Variants in PPARA observed in about 807,000 individuals in gnomAD.
The protein encoded by PPARA is peroxisome proliferator-activated receptor alpha.
A neutral mutation model predicts 42.2 loss-of-function variants in PPARA; 22 were observed. The observed-to-expected ratio is 0.52, with a 90% confidence interval of 0.37 to 0.74. PPARA has a LOEUF of 0.74. PPARA is among the 30% of genes least tolerant of loss of function. The probability of loss-of-function intolerance (pLI) is 0.00; values close to 1 mark genes in which losing one functional copy is unlikely to be tolerated. For missense variants in PPARA, 465 were observed against 608.2 expected (o/e 0.76, Z 2.48); for synonymous variants, 242 against 239.3 (o/e 1.01, Z -0.10).
At chr22:46,198,791 G>A (rs577503774) in intron 4 of PPARA, among the ~76,000 whole-genome samples, 200 bp downstream of exon 4, 1 of 151,736 alleles carries the variant, frequency 6.6e-6, no homozygotes, top group South Asian at 2.1e-4. Context: ...CTCCCGAGTA[G>A]CTGGGACTAC....
Position 46,225,694 on chromosome 22 carries a change from C to T in PPARA, c.711+5680C>T, listed in dbSNP as rs1032245845. Among the ~76,000 whole-genome samples the T allele has an allele frequency of 1.3e-5, 2 of 150,928 alleles. No homozygotes were observed. Among genetic ancestry groups the T allele is most frequent in the African/African-American group, 4.9e-5 (2 of 40,896 alleles). On this transcript the variant is annotated intron_variant, in intron 7 of 8. Transcript: ENST00000407236. The surrounding 1 kb of genome is among the most constrained non-coding windows in gnomAD (Gnocchi z 4.1). Reference sequence around the variant, plus strand: ...ATGCACCTCCACCCCCATACATGCACATGGACACACACATGCACCCACACG... The same window carrying T: ...ATGCACCTCCACCCCCATACATGCATATGGACACACACATGCACCCACACG...
rs551504943 is a variant in PPARA, at chr22:46,178,364, C to A, written c.-43+1528C>A. Among the ~76,000 whole-genome samples the A allele has an allele frequency of 1.4e-4, 22 of 152,242 alleles. No individual in the cohort carries two copies. The South Asian group carries it at 4.6e-3, about 32-fold the overall frequency. ...CATCTGAGATAACAAAACCTCCATACAAATACATGAAACAATGTTCTTCAA... is the reference window on the plus strand; with the variant it reads ...CATCTGAGATAACAAAACCTCCATAAAAATACATGAAACAATGTTCTTCAA... On this transcript the variant is annotated intron_variant, in intron 3 of 8. Transcript: ENST00000407236.
intron 3 of PPARA, among the ~76,000 whole-genome samples, chr22:46,189,041 A>G (rs1931197713): frequency 6.6e-6 from 1 of 152,200 alleles, no homozygotes; most frequent in South Asian, 2.1e-4. Context: ...CTGCCTTGCT[A>G]TGCGTCCCAT....
rs1214533935 is a variant in PPARA at position 46,184,334 on chromosome 22, C to T, written c.-43+7498C>T. Among the ~76,000 whole-genome samples the T allele has an allele frequency of 2.0e-5, 3 of 152,080 alleles. No homozygotes were observed. The highest frequency in any genetic ancestry group is 7.2e-5 in the African/African-American group (3 of 41,408). Reference sequence around the variant, plus strand: ...AGAAACCATGTTCACCAATAATTACCATAATAGGAGAGAAGTACCAAGTAC... The same window carrying T: ...AGAAACCATGTTCACCAATAATTACTATAATAGGAGAGAAGTACCAAGTAC... On this transcript the variant is annotated intron_variant, in intron 3 of 8. Coordinates refer to ENST00000407236, the MANE Select transcript of PPARA (RefSeq NM_005036.6). The surrounding 1 kb of genome is among the most constrained non-coding windows in gnomAD (Gnocchi z 4.4).
rs1935090876 is a variant in PPARA at position 46,222,604 on chromosome 22, CGA to C, written c.711+2594_711+2595del. Among the ~76,000 whole-genome samples the C allele has an allele frequency of 6.6e-6, 1 of 152,136 alleles. No individual in the cohort carries two copies. Among genetic ancestry groups the C allele is most frequent in the Non-Finnish European group, 1.5e-5 (1 of 68,030 alleles). ...TCCCAATTAGAACTTTCCTGGATTA[CGA>C]GAGTGAAAGAAAAGGTAACTTTTAG... is the stretch of plus-strand genomic sequence containing the variant. On this transcript the variant is annotated intron_variant, in intron 7 of 8. Transcript: ENST00000407236. The surrounding 1 kb of genome is among the most constrained non-coding windows in gnomAD (Gnocchi z 5.9).
rs960821093 is a variant in PPARA at position 46,160,100 on chromosome 22, G to C, written c.-127+8130G>C. Among the ~76,000 whole-genome samples the C allele has an allele frequency of 6.6e-6, 1 of 152,244 alleles. No homozygotes were observed. The highest frequency in any genetic ancestry group is 1.5e-5 in the Non-Finnish European group (1 of 68,042). On this transcript the variant is annotated intron_variant, in intron 2 of 8. Coordinates refer to ENST00000407236, the MANE Select transcript of PPARA (RefSeq NM_005036.6). This position sits in a 1 kb window ranked among gnomAD's most constrained non-coding sequence, Gnocchi z 4.5. ...GCTGGGAAGTGCGGATCCAGGGCTG[G>C]TGCACTGAACCCAGAGGAGCAGGCT...
rs1479117892 is a variant in PPARA at position 46,233,090 on chromosome 22, T to C, written c.1159+851T>C. Among the ~76,000 whole-genome samples the C allele has an allele frequency of 2.0e-5, 3 of 151,658 alleles. No individual in the cohort carries two copies. The highest frequency in any genetic ancestry group is 7.3e-5 in the African/African-American group (3 of 41,318). ...ATTTATATATTATGATATTCCTGTA[T>C]ATATTATATAATGATGTTGTATTCA... is the stretch of plus-strand genomic sequence containing the variant. On this transcript the variant is annotated intron_variant, in intron 8 of 8. Transcript: ENST00000407236. The surrounding 1 kb of genome is among the most constrained non-coding windows in gnomAD (Gnocchi z 7.3).
rs901127009 is a variant in PPARA, at chr22:46,236,606, C to T, written c.*1226C>T. On this transcript the variant is annotated 3_prime_UTR_variant, in exon 9 of 9. Coordinates refer to ENST00000407236, the MANE Select transcript of PPARA (RefSeq NM_005036.6). This position sits in a 1 kb window ranked among gnomAD's most constrained non-coding sequence, Gnocchi z 5.2. ...CCTCCGGGCCCCATTTGGCAGCTCC[C>T]GTATCTTTTGTTATGTTGCTTTTAA... 3.3e-5 allele frequency: 5 copies of T among 152,620 alleles called. No homozygotes were observed. The highest frequency in any genetic ancestry group is 1.2e-4 in the African/African-American group (5 of 41,438). 9.5% of individuals were successfully genotyped at this position (152,620 alleles called of 1,614,324 possible).
intron 3 of PPARA, among the ~76,000 whole-genome samples, chr22:46,179,284 A>T (rs567439440): frequency 1.3e-5 from 2 of 152,374 alleles, no homozygotes; most frequent in East Asian, 3.9e-4. Flanking sequence ...TCATCCCAGG[A>T]AATGCCAAAT....
In PPARA at chr22:46,215,203, C is replaced by G; in HGVS notation, c.239C>G (p.Ser80Trp). The G allele has an allele frequency of 4.3e-6, 7 of 1,614,114 alleles. No individual in the cohort carries two copies. Among genetic ancestry groups the G allele is most frequent in the Non-Finnish European group, 5.9e-6 (7 of 1,180,018 alleles). ...DTLSPASSPSSVTYPVVPGSV... is the reference protein window; with the variant it reads ...DTLSPASSPSWVTYPVVPGSV... ...CTTTCACCAGCTTCGAGCCCCTCCT[C>G]GGTGACTTATCCTGTGGTCCCCGGC... The change falls in exon 5 of 9, where the codon TCG (serine) becomes TGG (tryptophan). Residue 80 changes from serine to tryptophan, a missense_variant. Physicochemically the swap from Ser to Trp is radical, Grantham distance 177. Coordinates refer to ENST00000407236, the MANE Select transcript of PPARA (RefSeq NM_005036.6).
In PPARA at chr22:46,151,978, G is replaced by A. The variant is rs1356856492; in HGVS notation, c.-127+8G>A. 6.6e-6 allele frequency: 1 copy of A among 152,204 alleles called. No homozygotes were observed. Among genetic ancestry groups the A allele is most frequent in the Non-Finnish European group, 1.5e-5 (1 of 68,062 alleles). 9.4% of individuals were successfully genotyped at this position (152,204 alleles called of 1,614,324 possible). A position where few individuals can be genotyped will look rare whatever the true frequency, so the allele number is the denominator to read the frequency against. On this transcript the variant is annotated splice_region_variant and intron_variant, in intron 2 of 8. Transcript: ENST00000407236. ...GAGAAGCTGTCACCACAGGTAAATA[G>A]AAGGTTTAATTTACTGTTTCCAGAT...
In PPARA at chr22:46,150,788, G is replaced by A. The variant is rs1924287074; in HGVS notation, c.-210+136G>A. Reference sequence around the variant, plus strand: ...GGGCGGCGCATGCGCGGGGCCCGGGGTCTCGGGGTCTCCGGGTCCCGGGGA... The same window carrying A: ...GGGCGGCGCATGCGCGGGGCCCGGGATCTCGGGGTCTCCGGGTCCCGGGGA... On this transcript the variant is annotated intron_variant, in intron 1 of 8. Transcript: ENST00000407236. The surrounding 1 kb of genome is among the most constrained non-coding windows in gnomAD (Gnocchi z 7.5). The A allele has an allele frequency of 6.6e-6, 1 of 151,142 alleles. No homozygotes were observed. The highest frequency in any genetic ancestry group is 2.4e-5 in the African/African-American group (1 of 41,192). 9.4% of individuals were successfully genotyped at this position (151,142 alleles called of 1,614,324 possible). A position where few individuals can be genotyped will look rare whatever the true frequency, so the allele number is the denominator to read the frequency against.
chr22:46,179,679 G>A (rs1400245443), intron 3 of PPARA, among the ~76,000 whole-genome samples: 1 of 151,748 alleles, frequency 6.6e-6, no homozygotes, highest in African/African-American at 2.4e-5. Context: ...ATATGACACC[G>A]AGAACACAAT....
chr22:46,153,375 G>A (rs1924774185), intron 2 of PPARA, among the ~76,000 whole-genome samples: 1 of 151,838 alleles, frequency 6.6e-6, no homozygotes, highest in Admixed American at 6.6e-5. Context: ...CACCATGTTG[G>A]CTGGGCTGGT....
rs938788412 is a variant in PPARA, at chr22:46,175,532, T to C, written c.-126-1221T>C. 1.1e-4 allele frequency among the ~76,000 whole-genome samples: 16 copies of C among 151,900 alleles called. No individual in the cohort carries two copies. The East Asian group carries it at 2.7e-3, about 26-fold the overall frequency. On this transcript the variant is annotated intron_variant, in intron 2 of 8. Coordinates refer to ENST00000407236, the MANE Select transcript of PPARA (RefSeq NM_005036.6). Reference sequence around the variant, plus strand: ...ATCGAGACCATCCTGGCTAACATGGTGAAACCCCATCTCTACTAAAAAATA... The same window carrying C: ...ATCGAGACCATCCTGGCTAACATGGCGAAACCCCATCTCTACTAAAAAATA...
intron 7 of PPARA, among the ~76,000 whole-genome samples, chr22:46,226,038 CACACTT>C (rs1330053667): frequency 1.3e-5 from 2 of 151,948 alleles, no homozygotes; most frequent in African/African-American, 4.8e-5. Flanking sequence ...CATACACACA[CACACTT>C]ACAAACTACA....
At chr22:46,168,931 A>G (rs1219510774) in intron 2 of PPARA, among the ~76,000 whole-genome samples, 1 of 151,968 alleles carries the variant, frequency 6.6e-6, no homozygotes, top group Non-Finnish European at 1.5e-5. Flanking sequence ...CAAAGTGAAA[A>G]AGCTATATAC....
Position 46,206,705 on chromosome 22 carries a change from A to G in PPARA, c.208+8114A>G, listed in dbSNP as rs928909155. On this transcript the variant is annotated intron_variant, in intron 4 of 8. Coordinates refer to ENST00000407236, the MANE Select transcript of PPARA (RefSeq NM_005036.6). The stretch of plus-strand genomic sequence containing the variant: ...TATTGTTTTACATAGACAGCCGGTT[A>G]TCTTTTTAAGATAGTAGTAAGAAAA... 2.6e-5 allele frequency among the ~76,000 whole-genome samples: 4 copies of G among 152,306 alleles called. No individual in the cohort carries two copies. The East Asian group carries it at 5.8e-4, about 22-fold the overall frequency.
In PPARA at chr22:46,183,405, C is replaced by G. The variant is rs1370076227; in HGVS notation, c.-43+6569C>G. Among the ~76,000 whole-genome samples the G allele has an allele frequency of 2.0e-5, 3 of 152,330 alleles. No individual in the cohort carries two copies. The highest frequency in any genetic ancestry group is 6.5e-5 in the Admixed American group (1 of 15,298). The stretch of plus-strand genomic sequence containing the variant: ...CATCAAGAGGATCATCTACTCAACA[C>G]AGATAAACTGGGAAAGAAAAATAAC... On this transcript the variant is annotated intron_variant, in intron 3 of 8. Coordinates refer to ENST00000407236, the MANE Select transcript of PPARA (RefSeq NM_005036.6). The surrounding 1 kb of genome is among the most constrained non-coding windows in gnomAD (Gnocchi z 5.5).
Sources: gnomAD v4.1 joint callset for allele counts (sites outside exome capture counted in the v4.1 genomes callset) on GRCh38, gnomAD v4.1.1 for gene constraint, Gnocchi (gnomAD v3.1) non-coding constraint, MANE v1.5 for transcripts, NCBI Gene and HGNC (gene_info 2026-07-23, HGNC 2026-07-21) for gene names.